STK3: variants seen among roughly 807,000 people sequenced by gnomAD.
STK3 encodes serine/threonine kinase 3.
Under a neutral mutation model 58.0 loss-of-function variants are expected in STK3, and 41 were observed. The observed-to-expected ratio is 0.71, with a 90% confidence interval of 0.55 to 0.92. The LOEUF (loss-of-function observed/expected upper bound fraction) is 0.92, where lower values mean the gene tolerates loss of function less well. Ranked by LOEUF, STK3 falls within the 40% of genes least tolerant of loss-of-function variation. The pLI is 0.00. For missense variants in STK3, 479 were observed against 602.7 expected (o/e 0.79, Z 2.15); for synonymous variants, 170 against 191.0 (o/e 0.89, Z 0.91).
At chr8:98,782,489 C>A in intron 1 of STK3, 1 of 280,916 alleles carries the variant, frequency 3.6e-6, no homozygotes, top group East Asian at 1.0e-4. Flanking sequence ...CACACAGACC[C>A]ACAAGATGCT....
intron 3 of STK3, among the ~76,000 whole-genome samples, chr8:98,421,207 G>GTT (rs1282524917): frequency 6.6e-6 from 1 of 152,190 alleles, no homozygotes; most frequent in African/African-American, 2.4e-5. Context: ...TCAGCTGTCA[G>GTT]CCTCCCACAG....
In STK3 at chr8:98,619,972, A is replaced by G. The variant is rs1367510122; in HGVS notation, c.685-23803T>C. On this transcript the variant is annotated intron_variant, in intron 6 of 10. Transcript: ENST00000419617. ...CCAGCCATCCCATTACTGGGTATAT[A>G]CCCAAATGACTATAAATCATGCTGC... Among the ~76,000 whole-genome samples, 3 of 94,054 alleles carry G rather than the reference A, an allele frequency of 3.2e-5. 1 individual carries two copies. In the Admixed American group the frequency reaches 3.6e-4, roughly 11 times the overall value. The allele number at this position is 94,054 out of a possible 152,430, so 61.7% of individuals were successfully genotyped here. A position where few individuals can be genotyped will look rare whatever the true frequency, so the allele number is the denominator to read the frequency against.
intron 6 of STK3, chr8:98,597,943 AG>A (rs1815973562): frequency 1.0e-6 from 1 of 985,240 alleles, no homozygotes; most frequent in African/African-American, 1.7e-5. Context: ...GAACCTAATA[AG>A]GCTTTAAAAA....
chr8:98,736,732 T>C (rs1828626364), intron 4 of STK3, among the ~76,000 whole-genome samples: 1 of 151,806 alleles, frequency 6.6e-6, no homozygotes. Context: ...CTCCAAGACT[T>C]ACTACTCTTA....
At chr8:98,481,778 T>A (rs1821876020) in intron 10 of STK3, among the ~76,000 whole-genome samples, 1 of 152,058 alleles carries the variant, frequency 6.6e-6, no homozygotes, top group East Asian at 1.9e-4. Context: ...AAGACACGAC[T>A]TTTTAACATA....
At chr8:98,516,197 A>G (rs1027338150) in intron 10 of STK3, among the ~76,000 whole-genome samples, 1 of 152,136 alleles carries the variant, frequency 6.6e-6, no homozygotes, top group Admixed American at 6.6e-5. Context: ...AATTAATAGA[A>G]GCCTAATAGT....
intron 6 of STK3, among the ~76,000 whole-genome samples, chr8:98,697,599 C>G (rs1001562152): frequency 6.6e-6 from 1 of 152,106 alleles, no homozygotes; most frequent in African/African-American, 2.4e-5. Context: ...TTATTTCTGC[C>G]TTCATTTTGT....
At chr8:98,645,900 T>C (rs915945183) in intron 6 of STK3, among the ~76,000 whole-genome samples, 9 of 152,098 alleles carry the variant, frequency 5.9e-5, no homozygotes, top group Non-Finnish European at 8.8e-5. Flanking sequence ...ATTCCTGAGC[T>C]CAAGCAATCC....
intron 2 of STK3, among the ~76,000 whole-genome samples, chr8:98,774,317 G>C (rs1831517868): frequency 6.6e-6 from 1 of 152,012 alleles, no homozygotes; most frequent in African/African-American, 2.4e-5. Flanking sequence ...TATATAAACT[G>C]TTTCCCTCAC....
At chr8:98,382,162 C>T (rs1305475191) in intron 1 of STK3, among the ~76,000 whole-genome samples, 3 of 151,916 alleles carry the variant, frequency 2.0e-5, no homozygotes, top group Non-Finnish European at 2.9e-5. Context: ...GACACACTGC[C>T]ACGGTGACCC....
chr8:98,408,011 C>T (rs916042902), intron 3 of STK3, among the ~76,000 whole-genome samples: 1 of 152,180 alleles, frequency 6.6e-6, no homozygotes, highest in Non-Finnish European at 1.5e-5. Context: ...CCCACTTCAT[C>T]GGCTTTGCAG....
At chr8:98,507,791 C>T (rs1023450799) in intron 10 of STK3, among the ~76,000 whole-genome samples, 41 of 152,276 alleles carry the variant, frequency 2.7e-4, no homozygotes, top group African/African-American at 8.9e-4. Context: ...GCTGGTCCCT[C>T]TACTTGGAAT....
intron 4 of STK3, among the ~76,000 whole-genome samples, chr8:98,743,417 C>T (rs955910581): frequency 1.3e-5 from 2 of 152,066 alleles, no homozygotes; most frequent in South Asian, 2.1e-4. Context: ...ACAGAGCCCT[C>T]AGAAATAATG....
At chr8:98,936,932 G>A (rs1228791791) in intron 1 of STK3, among the ~76,000 whole-genome samples, 1 of 152,244 alleles carries the variant, frequency 6.6e-6, no homozygotes, top group African/African-American at 2.4e-5. Flanking sequence ...TGACTGAAAA[G>A]TGAAGTATGT....
rs535935210 is a variant in STK3 at position 98,739,970 on chromosome 8, C to T, written c.351+9306G>A. Among the ~76,000 whole-genome samples the T allele has an allele frequency of 6.8e-3, 1,036 of 151,868 alleles. 7 individuals are homozygous for T. Among genetic ancestry groups the T allele is most frequent in the African/African-American group, 0.023 (966 of 41,350 alleles). ...AATGCAGAAGCCTCAGGAGCCGATG[C>T]GATCAACTGGAAGAAAGGGTATCAG... On this transcript the variant is annotated intron_variant, in intron 4 of 10. Transcript: ENST00000419617.
chr8:98,464,373 G>A (rs748335092), intron 10 of STK3, among the ~76,000 whole-genome samples: 3 of 151,736 alleles, frequency 2.0e-5, no homozygotes, highest in African/African-American at 4.8e-5. Flanking sequence ...AGAAAACACT[G>A]TTGATGGAGG....
At chr8:98,822,045 CACAT>C (rs1179335713) in intron 1 of STK3, among the ~76,000 whole-genome samples, 2 of 151,784 alleles carry the variant, frequency 1.3e-5, no homozygotes, top group Non-Finnish European at 2.9e-5. Context: ...TATATACACA[CACAT>C]ACATACACAC....
Position 98,584,076 on chromosome 8 carries a change from A to ATCT in STK3, c.823-4290_823-4288dup, listed in dbSNP as rs541687946. The stretch of plus-strand genomic sequence containing the variant: ...TCTGCTAGTGGAGAAGGTAGTGAAA[A>ATCT]TCTTTTTTTTTTTAAAGTTTTTTTT... On this transcript the variant is annotated intron_variant, in intron 7 of 10. Transcript: ENST00000419617. 9.1e-3 allele frequency among the ~76,000 whole-genome samples: 1,384 copies of ATCT among 151,652 alleles called. 17 individuals carry two copies. The highest frequency in any genetic ancestry group is 0.032 in the African/African-American group (1,307 of 41,328).
At chr8:98,747,648 G>T (rs1433344335) in intron 4 of STK3, among the ~76,000 whole-genome samples, 1 of 152,146 alleles carries the variant, frequency 6.6e-6, no homozygotes, top group Non-Finnish European at 1.5e-5. Context: ...GAAGAAAAAT[G>T]TCCTTGCACT....
Sources: gnomAD v4.1 joint callset for allele counts (sites outside exome capture counted in the v4.1 genomes callset) on GRCh38, gnomAD v4.1.1 for gene constraint, MANE v1.5 for transcripts, NCBI Gene and HGNC (gene_info 2026-07-23, HGNC 2026-07-21) for gene names.